TAF10: variants seen among roughly 807,000 people sequenced by gnomAD.
The protein encoded by TAF10 is transcription initiation factor TFIID subunit 10.
In TAF10, 2 loss-of-function variants were observed where a neutral mutation model predicts 18.1. The observed-to-expected ratio is 0.11, with a 90% confidence interval of 0.05 to 0.35. The LOEUF (loss-of-function observed/expected upper bound fraction) is 0.35, where lower values mean the gene tolerates loss of function less well. Ranked by LOEUF, TAF10 falls within the 10% of genes least tolerant of loss-of-function variation. The pLI is 1.00. For missense variants in TAF10, 293 were observed against 306.9 expected (o/e 0.95, Z 0.34); for synonymous variants, 158 against 134.6 (o/e 1.17, Z -1.20).
intron 4 of TAF10, 83 bp downstream of exon 4, chr11:6,611,106 A>T: frequency 6.3e-7 from 1 of 1,589,476 alleles, no homozygotes; most frequent in Non-Finnish European, 8.6e-7. Context: ...CTCCCCTACG[A>T]TTCAGTTTCC....
At position 6,610,390 on chromosome 11, in the gene TAF10, C is replaced by A. The variant is rs2134574302; in HGVS notation, c.*532G>T. ...TTGTTCGGATATACAGTAATCCTGT[C>A]CCAAGGGCCAGTGGCTTCTCTCTAC... On this transcript the variant is annotated 3_prime_UTR_variant, in exon 5 of 5. Transcript: ENST00000299424. The A allele has an allele frequency of 1.2e-6, 2 of 1,613,138 alleles. No individual in the cohort carries two copies. The highest frequency in any genetic ancestry group is 1.7e-6 in the Non-Finnish European group (2 of 1,179,250).
In TAF10 at chr11:6,611,269, T is replaced by C. The variant is rs1855450803; in HGVS notation, c.487A>G (p.Ile163Val). Residue 163 changes from isoleucine (I) to valine (V), a missense_variant, in exon 4 of 5, where the codon ATC becomes GTC. Physicochemically the swap from Ile to Val is conservative, Grantham distance 29 (BLOSUM62 3). Transcript: ENST00000299424. Reference protein sequence around the residue: ...RLISLAAQKFISDIANDALQH... With the variant: ...RLISLAAQKFVSDIANDALQH... Reference sequence around the variant, plus strand: ...AGGGCATCATTGGCAATATCTGAGATGAATTTCTGGGCAGCTAAGGAGATG... The same window carrying C: ...AGGGCATCATTGGCAATATCTGAGACGAATTTCTGGGCAGCTAAGGAGATG... 1 of 1,614,096 alleles carries C rather than the reference T, an allele frequency of 6.2e-7. No homozygotes were observed.
At position 6,611,834 on chromosome 11, in the gene TAF10, C is replaced by A. The variant is rs754872145; in HGVS notation, c.233-16G>T. The A allele has an allele frequency of 6.2e-5, 99 of 1,600,716 alleles. No homozygotes were observed. Among genetic ancestry groups the A allele is most frequent in the Non-Finnish European group, 7.9e-5 (93 of 1,173,594 alleles). On this transcript the variant is annotated splice_polypyrimidine_tract_variant and intron_variant, in intron 1 of 4. Coordinates refer to ENST00000299424, the MANE Select transcript of TAF10 (RefSeq NM_006284.4). ...GACACCGGAGCTGGAGGAGAACCAGCAAAATGAGACACAGAGGTGGGAGGC... is the reference window on the plus strand; with the variant it reads ...GACACCGGAGCTGGAGGAGAACCAGAAAAATGAGACACAGAGGTGGGAGGC...
In TAF10 at chr11:6,611,322, G is replaced by GA; in HGVS notation, c.453-20dup. The GA allele has an allele frequency of 5.0e-6, 8 of 1,614,046 alleles. No homozygotes were observed. The highest frequency in any genetic ancestry group is 5.9e-6 in the Non-Finnish European group (7 of 1,179,974). On this transcript the variant is annotated intron_variant, in intron 3 of 4. Transcript: ENST00000299424. ...CCGAATTCTAGAGAGAAAAAACTTA[G>GA]ATGAGAAGGAGATGGACAACATACT...
At position 6,607,539 on chromosome 11, in the gene TAF10, T is replaced by C. The variant is rs757858231; in HGVS notation, c.*3383A>G. The C allele has an allele frequency of 5.8e-6, 1 of 170,958 alleles. No homozygotes were observed. Among genetic ancestry groups the C allele is most frequent in the African/African-American group, 2.4e-5 (1 of 41,722 alleles). The allele number at this position is 170,958 out of a possible 1,614,324, so 10.6% of individuals were successfully genotyped here. A position where few individuals can be genotyped will look rare whatever the true frequency, so the allele number is the denominator to read the frequency against. ...CAAATAGTAAGTTTGTTCCCTCTTC[T>C]ATAAGTTGTGGCCTGCCTTCTCCAA... On this transcript the variant is annotated 3_prime_UTR_variant, in exon 5 of 5. Transcript: ENST00000299424.
Position 6,609,205 on chromosome 11 carries a change from C to T in TAF10, c.*1717G>A. 3 of 1,600,304 alleles carry T rather than the reference C, an allele frequency of 1.9e-6. No individual in the cohort carries two copies. The highest frequency in any genetic ancestry group is 2.6e-6 in the Non-Finnish European group (3 of 1,167,556). ...TCCCTCACTAAACCCCCATAAATTA[C>T]TTGCTTTGTACCTGTTTTAAGTTTT... On this transcript the variant is annotated 3_prime_UTR_variant, in exon 5 of 5. Coordinates refer to ENST00000299424, the MANE Select transcript of TAF10 (RefSeq NM_006284.4).
Position 6,608,523 on chromosome 11 carries a change from AG to A in TAF10, c.*2398del. ...TCAGCCCTTAATTCCTGAGATGGGT[AG>A]GAAGTAAAGTCTGAGCCTTGGTGGG... On this transcript the variant is annotated 3_prime_UTR_variant, in exon 5 of 5. Coordinates refer to ENST00000299424, the MANE Select transcript of TAF10 (RefSeq NM_006284.4). The surrounding 1 kb of genome is among the most constrained non-coding windows in gnomAD (Gnocchi z 4.9). 1.3e-6 allele frequency: 2 copies of A among 1,558,382 alleles called. No homozygotes were observed. Among genetic ancestry groups the A allele is most frequent in the Non-Finnish European group, 1.8e-6 (2 of 1,129,170 alleles).
In TAF10 at chr11:6,607,819, T is replaced by C; in HGVS notation, c.*3103A>G. 1.7e-6 allele frequency: 1 copy of C among 573,106 alleles called. No individual in the cohort carries two copies. The highest frequency in any genetic ancestry group is 3.0e-5 in the East Asian group (1 of 33,692). The allele number at this position is 573,106 out of a possible 1,614,324, so 35.5% of individuals were successfully genotyped here. On this transcript the variant is annotated 3_prime_UTR_variant, in exon 5 of 5. Coordinates refer to ENST00000299424, the MANE Select transcript of TAF10 (RefSeq NM_006284.4). ...AATGAGATGTGGGATATGGTGAAGA[T>C]AACACATTTTTTTATAGAGGTTGTT...
In TAF10 at chr11:6,611,948, C is replaced by A; in HGVS notation, c.232+10G>T. 2 of 1,573,982 alleles carry A rather than the reference C, an allele frequency of 1.3e-6. No homozygotes were observed. The highest frequency in any genetic ancestry group is 2.3e-5 in the South Asian group (2 of 87,780). On this transcript the variant is annotated intron_variant, in intron 1 of 4. Transcript: ENST00000299424. Reference sequence around the variant, plus strand: ...ACGCTTCCCTCGCCCTCACCCGTCCCGGCCCTCACCCGCCCCACGCCGCTC... The same window carrying A: ...ACGCTTCCCTCGCCCTCACCCGTCCAGGCCCTCACCCGCCCCACGCCGCTC...
chr11:6,609,281 C>T lies in TAF10; in HGVS notation c.*1641G>A, dbSNP rs377752465. On this transcript the variant is annotated 3_prime_UTR_variant, in exon 5 of 5. Transcript: ENST00000299424. ...GGCAGCAACATTTCAAGCCTCCTAA[C>T]CCCTACCTGTCCTGCAGCTATGGAA... 18 of 1,611,890 alleles carry T rather than the reference C, an allele frequency of 1.1e-5. No homozygotes were observed. Among genetic ancestry groups the T allele is most frequent in the Middle Eastern group, 1.6e-4 (1 of 6,084 alleles).
Position 6,609,387 on chromosome 11 carries a change from A to G in TAF10, c.*1535T>C, listed in dbSNP as rs145571020. 291 of 1,614,014 alleles carry G rather than the reference A, an allele frequency of 1.8e-4. No homozygotes were observed. The East Asian group carries it at 1.8e-3, about 10-fold the overall frequency. ...AGTACAAGGAAGAGCAGGGACTTCA[A>G]TGAAGAGTGTCCCCGGCTCAGGTAG... On this transcript the variant is annotated 3_prime_UTR_variant, in exon 5 of 5. Transcript: ENST00000299424.
In TAF10 at chr11:6,607,910, G is replaced by A. The variant is rs1380221752; in HGVS notation, c.*3012C>T. On this transcript the variant is annotated 3_prime_UTR_variant, in exon 5 of 5. Coordinates refer to ENST00000299424, the MANE Select transcript of TAF10 (RefSeq NM_006284.4). ...AGGTCTGAAATGGACAGCTTTGGGA[G>A]TTGCTGGCATGAATGAGAATCAAAG... 3 of 882,524 alleles carry A rather than the reference G, an allele frequency of 3.4e-6. No homozygotes were observed. The highest frequency in any genetic ancestry group is 3.3e-5 in the African/African-American group (2 of 60,492). The allele number at this position is 882,524 out of a possible 1,614,324, so 54.7% of individuals were successfully genotyped here.
Position 6,610,144 on chromosome 11 carries a change from C to T in TAF10, c.*778G>A, listed in dbSNP as rs1463063237. 1 of 1,614,082 alleles carries T rather than the reference C, an allele frequency of 6.2e-7. No individual in the cohort carries two copies. Among genetic ancestry groups the T allele is most frequent in the African/African-American group, 1.3e-5 (1 of 74,936 alleles). ...GCCAGAACAGACAAGCCCTATCTCT[C>T]CAGCTCTGCAGAAGAAGCCTGAAGA... On this transcript the variant is annotated 3_prime_UTR_variant, in exon 5 of 5. Coordinates refer to ENST00000299424, the MANE Select transcript of TAF10 (RefSeq NM_006284.4).
chr11:6,612,122 G>A lies in TAF10; in HGVS notation c.68C>T (p.Pro23Leu). 6 of 1,209,670 alleles carry A rather than the reference G, an allele frequency of 5.0e-6. No homozygotes were observed. The highest frequency in any genetic ancestry group is 6.2e-6 in the Non-Finnish European group (6 of 974,828). The allele number at this position is 1,209,670 out of a possible 1,614,324, so 74.9% of individuals were successfully genotyped here. A position where few individuals can be genotyped will look rare whatever the true frequency, so the allele number is the denominator to read the frequency against. ...GGCGGGAGCCGAGACCGGGGGCGCG[G>A]GGCCCGGGGCCGAGGCGGCGGAGGC... ...APASAASAPGPAPPVSAPAAL... is the reference protein window; with the variant it reads ...APASAASAPGLAPPVSAPAAL... The change falls in exon 1 of 5, where the codon CCC becomes CTC. Residue 23 changes from proline to leucine, a missense_variant. Physicochemically the swap from Pro to Leu is moderately conservative, Grantham distance 98. Coordinates refer to ENST00000299424, the MANE Select transcript of TAF10 (RefSeq NM_006284.4).
chr11:6,610,697 C>G lies in TAF10; in HGVS notation c.*225G>C. 1 of 1,508,828 alleles carries G rather than the reference C, an allele frequency of 6.6e-7. No individual in the cohort carries two copies. Among genetic ancestry groups the G allele is most frequent in the Non-Finnish European group, 9.2e-7 (1 of 1,091,396 alleles). 93.5% of individuals were successfully genotyped at this position (1,508,828 alleles called of 1,614,324 possible). The stretch of plus-strand genomic sequence containing the variant: ...CCCCAAAGCAGCAGGCCTCTGGTTG[C>G]CTCCCCCGCCTCCAGTCATGGTACT... On this transcript the variant is annotated 3_prime_UTR_variant, in exon 5 of 5. Coordinates refer to ENST00000299424, the MANE Select transcript of TAF10 (RefSeq NM_006284.4).
At position 6,610,121 on chromosome 11, in the gene TAF10, C is replaced by T; in HGVS notation, c.*801G>A. ...GCAGAGACAGGACAGGCAAGGGGGC[C>T]AGAACAGACAAGCCCTATCTCTCCA... is the stretch of plus-strand genomic sequence containing the variant. On this transcript the variant is annotated 3_prime_UTR_variant, in exon 5 of 5. Coordinates refer to ENST00000299424, the MANE Select transcript of TAF10 (RefSeq NM_006284.4). 1 of 1,614,148 alleles carries T rather than the reference C, an allele frequency of 6.2e-7. No individual in the cohort carries two copies. The highest frequency in any genetic ancestry group is 1.1e-5 in the South Asian group (1 of 91,084).
Position 6,610,598 on chromosome 11 carries a change from TGCAGGACAA to T in TAF10, c.*315_*323del. 1 of 1,614,218 alleles carries T rather than the reference TGCAGGACAA, an allele frequency of 6.2e-7. No homozygotes were observed. Among genetic ancestry groups the T allele is most frequent in the Non-Finnish European group, 8.5e-7 (1 of 1,180,028 alleles). ...ATGATTGTGCCTATCCTTGAGAAGA[TGCAGGACAA>T]GTAGGACTGGAAGGTCCTTGCCTGA... On this transcript the variant is annotated 3_prime_UTR_variant, in exon 5 of 5. Transcript: ENST00000299424.
rs1332744590 is a variant in TAF10 at position 6,608,728 on chromosome 11, G to C, written c.*2194C>G. ...GCAAATGGGGCCCTTGTCAGCATCTGTAACAAGTATGGAGAGATGCCTGTG... is the reference window on the plus strand; with the variant it reads ...GCAAATGGGGCCCTTGTCAGCATCTCTAACAAGTATGGAGAGATGCCTGTG... On this transcript the variant is annotated 3_prime_UTR_variant, in exon 5 of 5. Coordinates refer to ENST00000299424, the MANE Select transcript of TAF10 (RefSeq NM_006284.4). This position sits in a 1 kb window ranked among gnomAD's most constrained non-coding sequence, Gnocchi z 4.9. 2 of 1,613,984 alleles carry C rather than the reference G, an allele frequency of 1.2e-6. No homozygotes were observed. The highest frequency in any genetic ancestry group is 1.7e-6 in the Non-Finnish European group (2 of 1,179,974).
In TAF10 at chr11:6,609,752, G is replaced by C. The variant is rs767184450; in HGVS notation, c.*1170C>G. Reference sequence around the variant, plus strand: ...TCGTCGTGGACCAGAGCCAGGCTGTGAAGTTTGCTTTGGACATGGCAAGGG... The same window carrying C: ...TCGTCGTGGACCAGAGCCAGGCTGTCAAGTTTGCTTTGGACATGGCAAGGG... On this transcript the variant is annotated 3_prime_UTR_variant, in exon 5 of 5. Transcript: ENST00000299424. 42 of 1,614,224 alleles carry C rather than the reference G, an allele frequency of 2.6e-5. No individual in the cohort carries two copies. Among genetic ancestry groups the C allele is most frequent in the Non-Finnish European group, 3.2e-5 (38 of 1,180,040 alleles).
Sources: allele counts gnomAD v4.1 joint callset, GRCh38; gene constraint gnomAD v4.1.1; non-coding constraint Gnocchi (gnomAD v3.1); transcripts MANE v1.5; gene names NCBI Gene and HGNC (gene_info 2026-07-23, HGNC 2026-07-21).